UTP20: variants seen among roughly 807,000 people sequenced by gnomAD.
UTP20 encodes the protein small subunit processome component 20 homolog.
A neutral mutation model predicts 329.5 loss-of-function variants in UTP20; 164 were observed. The ratio of observed to expected loss-of-function variants is 0.50; its 90% CI spans 0.44 to 0.57. The LOEUF (loss-of-function observed/expected upper bound fraction) is 0.57, where lower values mean the gene tolerates loss of function less well. Ranked by LOEUF, UTP20 falls within the 20% of genes least tolerant of loss-of-function variation. The pLI is 0.00. For synonymous variants in UTP20, 1,151 were observed against 1,159.3 expected (o/e 0.99, Z 0.14); for missense variants, 3,055 against 3,284.2 (o/e 0.93, Z 1.71).
Position 101,327,115 on chromosome 12 carries a change from A to C in UTP20, c.3076A>C (p.Ser1026Arg), listed in dbSNP as rs1868587048. 1 of 1,612,078 alleles carries C rather than the reference A, an allele frequency of 6.2e-7. No homozygotes were observed. Among genetic ancestry groups the C allele is most frequent in the Non-Finnish European group, 8.5e-7 (1 of 1,178,332 alleles). ...TGGGCGAATGAAGAATAAGACTGGGAGTAAAACTCAGGGGAAATCTGCTTC... is the reference window on the plus strand; with the variant it reads ...TGGGCGAATGAAGAATAAGACTGGGCGTAAAACTCAGGGGAAATCTGCTTC... The part of the protein sequence containing the change: ...LYGRMKNKTG[S>R]KTQGKSASGT... Residue 1026 changes from serine to arginine, a missense_variant, in exon 26 of 62, where the codon AGT becomes CGT. This residue lies in a region of UTP20 where 2,445 missense variants were observed against 2,575.5 expected (regional missense o/e 0.95). Transcript: ENST00000261637.
Position 101,321,533 on chromosome 12 carries a change from G to A in UTP20, c.2945G>A (p.Arg982Lys), listed in dbSNP as rs770803725. Residue 982 changes from arginine to lysine, a missense_variant, in exon 25 of 62, where the codon AGA becomes AAA. This residue lies in a region of UTP20 where 2,445 missense variants were observed against 2,575.5 expected (regional missense o/e 0.95). Coordinates refer to ENST00000261637, the MANE Select transcript of UTP20 (RefSeq NM_014503.3). ...AACTTACAAAGGTTGCTTGAAGACA[G>A]AAGCTTTAAGGAAGAGATAGTGCAT... ...RENLQRLLEDRSFKEEIVHFS... is the reference protein window; with the variant it reads ...RENLQRLLEDKSFKEEIVHFS... 5.6e-6 allele frequency: 9 copies of A among 1,613,368 alleles called. No individual in the cohort carries two copies. Among genetic ancestry groups the A allele is most frequent in the Non-Finnish European group, 3.4e-6 (4 of 1,179,680 alleles).
At position 101,386,212 on chromosome 12, in the gene UTP20, GTTT is replaced by G. The variant is rs34431009; in HGVS notation, c.*102_*104del. ...AGGTTGTCTGGGGTAGGGGGGAGGC[GTTT>G]TTTTTTTTTTTTGAGACAAGGTCTC... is the stretch of plus-strand genomic sequence containing the variant. On this transcript the variant is annotated 3_prime_UTR_variant, in exon 62 of 62. Coordinates refer to ENST00000261637, the MANE Select transcript of UTP20 (RefSeq NM_014503.3). 1.7e-3 allele frequency: 1,494 copies of G among 900,594 alleles called. No homozygotes were observed. Among genetic ancestry groups the G allele is most frequent in the East Asian group, 2.2e-3 (74 of 33,656 alleles). 55.8% of individuals were successfully genotyped at this position (900,594 alleles called of 1,614,324 possible). A position where few individuals can be genotyped will look rare whatever the true frequency, so the allele number is the denominator to read the frequency against.
In UTP20 at chr12:101,357,056, C is replaced by G; in HGVS notation, c.5665C>G (p.Gln1889Glu). Residue 1889 changes from glutamine to glutamate, a missense_variant, in exon 43 of 62, where the codon CAG becomes GAG. Physicochemically the swap from Gln to Glu is conservative, Grantham distance 29 (BLOSUM62 2). This residue lies in a region of UTP20 where 2,445 missense variants were observed against 2,575.5 expected (regional missense o/e 0.95). Coordinates refer to ENST00000261637, the MANE Select transcript of UTP20 (RefSeq NM_014503.3). ...HFLLYVLKELQTTLVRGYQVH... is the reference protein window; with the variant it reads ...HFLLYVLKELETTLVRGYQVH... Reference sequence around the variant, plus strand: ...CCTCCTATATGTTTTAAAAGAATTACAGACTACTCTTGTCCGTGGATACCA... The same window carrying G: ...CCTCCTATATGTTTTAAAAGAATTAGAGACTACTCTTGTCCGTGGATACCA... 1.2e-6 allele frequency: 2 copies of G among 1,613,096 alleles called. No individual in the cohort carries two copies. Among genetic ancestry groups the G allele is most frequent in the Non-Finnish European group, 1.7e-6 (2 of 1,179,636 alleles).
intron 1 of UTP20, among the ~76,000 whole-genome samples, chr12:101,280,702 CT>C (rs1482706258): frequency 6.6e-6 from 1 of 152,182 alleles, no homozygotes; most frequent in African/African-American, 2.4e-5. Context: ...ACAGCGCTTT[CT>C]CTGTTTGCCC....
chr12:101,321,068 C>A, intron 24 of UTP20, 131 bp downstream of exon 24: 1 of 743,744 alleles, frequency 1.3e-6, no homozygotes, highest in Non-Finnish European at 2.1e-6. Context: ...ATCGTATTTC[C>A]AAGCAAGAAA....
rs772729936 is a variant in UTP20, at chr12:101,291,754, G to A, written c.904G>A (p.Asp302Asn). Residue 302 changes from aspartate to asparagine, a missense_variant, in exon 9 of 62, where the codon GAT becomes AAT. This residue lies in a region of UTP20 where 2,445 missense variants were observed against 2,575.5 expected (regional missense o/e 0.95). Transcript: ENST00000261637. ...FFECLQESLL[D>N]LHTKVTKTNC... ...TCTTTGTTTGCAGGAATCGCTCTTG[G>A]ATCTACACACAAAAGTAACAAAAAC... 5.0e-6 allele frequency: 8 copies of A among 1,590,226 alleles called. No individual in the cohort carries two copies. In the South Asian group the frequency reaches 9.4e-5, roughly 19 times the overall value.
chr12:101,299,789 C>CTT lies in UTP20; in HGVS notation c.1539_1540dup (p.Tyr514PhefsTer24). 6.2e-7 allele frequency: 1 copy of CTT among 1,613,038 alleles called. No homozygotes were observed. Among genetic ancestry groups the CTT allele is most frequent in the Non-Finnish European group, 8.5e-7 (1 of 1,179,666 alleles). On this transcript the variant is annotated frameshift_variant, in exon 13 of 62. Transcript: ENST00000261637. LOFTEE classifies it high-confidence loss of function. ...AAGTTACCCCCAAATAAAGATACTA[C>CTT]TTACCTTTCACAATCTTGGGCAGCC...
chr12:101,386,013 C>A lies in UTP20; in HGVS notation c.8248C>A (p.His2750Asn). ...TGCTGCCAAGAAAAAAATGAAGAAA[C>A]ACAAAAATAAAAGTGAAGCAAAGAA... The part of the protein sequence containing the change: ...DIAAKKKMKK[H>N]KNKSEAKKRK... The change falls in exon 62 of 62, where the codon CAC becomes AAC. Residue 2750 changes from histidine to asparagine, a missense_variant. Coordinates refer to ENST00000261637, the MANE Select transcript of UTP20 (RefSeq NM_014503.3). 1.2e-6 allele frequency: 2 copies of A among 1,607,794 alleles called. No homozygotes were observed. The highest frequency in any genetic ancestry group is 1.7e-6 in the Non-Finnish European group (2 of 1,178,206).
chr12:101,365,983 C>A (rs1870084600), intron 46 of UTP20, among the ~76,000 whole-genome samples: 1 of 151,942 alleles, frequency 6.6e-6, no homozygotes, highest in Admixed American at 6.6e-5. Context: ...GTAATCCCAG[C>A]ACTTTGGGAA....
intron 8 of UTP20, 151 bp from the exon 9 acceptor site, chr12:101,291,591 T>A (rs1019387400): frequency 1.6e-5 from 10 of 612,550 alleles, no homozygotes; most frequent in Middle Eastern, 4.8e-4. Flanking sequence ...CAGCCAATGT[T>A]AGCTGTTATC....
chr12:101,338,937 A>C lies in UTP20; in HGVS notation c.3993A>C (p.Lys1331Asn). ...AAAAGAATAGAGCACAAGTCAGTAA[A>C]GAGCTTGGCATTCTTTCAAAGTAAG... ...KKKKNRAQVS[K>N]ELGILSKISK... is the part of the protein sequence containing the mutation. Residue 1331 changes from lysine (K) to asparagine (N), a missense_variant, in exon 31 of 62, where the codon AAA becomes AAC. Physicochemically the swap from Lys to Asn is moderately conservative, Grantham distance 94. Around this residue, in one of 3 missense-constraint regions of UTP20, gnomAD observed 2,445 missense variants for 2,575.5 expected, o/e 0.95. Coordinates refer to ENST00000261637, the MANE Select transcript of UTP20 (RefSeq NM_014503.3). 6.3e-7 allele frequency: 1 copy of C among 1,599,622 alleles called. No individual in the cohort carries two copies. Among genetic ancestry groups the C allele is most frequent in the Non-Finnish European group, 8.5e-7 (1 of 1,176,828 alleles).
intron 15 of UTP20, among the ~76,000 whole-genome samples, chr12:101,303,863 A>G (rs575913888): frequency 6.6e-6 from 1 of 152,258 alleles, no homozygotes; most frequent in East Asian, 1.9e-4. Flanking sequence ...TCCATGGTTA[A>G]TTGCATTGGT....
chr12:101,367,789 C>G lies in UTP20; in HGVS notation c.6268-71C>G, dbSNP rs918548365. 4 of 906,090 alleles carry G rather than the reference C, an allele frequency of 4.4e-6. No homozygotes were observed. In the African/African-American group the frequency reaches 6.6e-5, roughly 15 times the overall value. The allele number at this position is 906,090 out of a possible 1,614,324, so 56.1% of individuals were successfully genotyped here. ...ACATTTCTTGCTTTTCTCTGAACAT[C>G]ATTTCACATTTACCTAACTCATCTG... On this transcript the variant is annotated intron_variant, in intron 47 of 61. Transcript: ENST00000261637.
Position 101,317,597 on chromosome 12 carries a change from TG to T in UTP20, c.2674del (p.Glu892ArgfsTer24). 1.2e-6 allele frequency: 2 copies of T among 1,614,118 alleles called. No homozygotes were observed. The highest frequency in any genetic ancestry group is 1.7e-6 in the Non-Finnish European group (2 of 1,180,008). ...CCTGCCGCAGGAGATGATGAAGAGT[TG>T]GAGGAAGAGGCAGTGCCCCAAGATG... Reference protein sequence around the residue: ...EEPAAGDDEELEEEAVPQDES... With the variant: ...EEPAAGDDEEXEEEAVPQDES... On this transcript the variant is annotated frameshift_variant, in exon 22 of 62. Coordinates refer to ENST00000261637, the MANE Select transcript of UTP20 (RefSeq NM_014503.3). LOFTEE classifies it high-confidence loss of function.
At chr12:101,357,472 T>TG (rs1334267195) in intron 43 of UTP20, among the ~76,000 whole-genome samples, 2 of 152,202 alleles carry the variant, frequency 1.3e-5, no homozygotes, top group African/African-American at 4.8e-5. Context: ...AATAAGGGGC[T>TG]GGGTGCAGTG....
intron 29 of UTP20, 82 bp from the exon 30 acceptor site, chr12:101,337,969 C>T: frequency 8.0e-7 from 1 of 1,249,264 alleles, no homozygotes; most frequent in South Asian, 1.4e-5. Flanking sequence ...TTGTTAAACT[C>T]ATGGTGAAAA....
At chr12:101,343,190 G>A in intron 35 of UTP20, 97 bp downstream of exon 35, 1 of 751,742 alleles carries the variant, frequency 1.3e-6, no homozygotes, top group Non-Finnish European at 2.0e-6. Context: ...GTTTTTTGAG[G>A]GGGGACAAAG....
chr12:101,330,133 C>T (rs1253530806), intron 27 of UTP20, among the ~76,000 whole-genome samples: 3 of 151,720 alleles, frequency 2.0e-5, no homozygotes, highest in Non-Finnish European at 2.9e-5. Flanking sequence ...TAATGTAAGA[C>T]GAGGAAATAT....
chr12:101,381,573 G>A (rs1190606298), intron 58 of UTP20, among the ~76,000 whole-genome samples: 1 of 152,152 alleles, frequency 6.6e-6, no homozygotes, highest in African/African-American at 2.4e-5. Context: ...AACAGTCTAA[G>A]CTTACATTTG....
Sources: gnomAD v4.1 joint callset for allele counts (sites outside exome capture counted in the v4.1 genomes callset) on GRCh38, gnomAD v4.1.1 for gene constraint, gnomAD v4.1.1 regional missense constraint, MANE v1.5 for transcripts, NCBI Gene and HGNC (gene_info 2026-07-23, HGNC 2026-07-21) for gene names.